Variants in ZNF575 observed in about 807,000 individuals in gnomAD.
The protein encoded by ZNF575 is zinc finger protein 575.
Under a neutral mutation model 17.5 loss-of-function variants are expected in ZNF575, and 17 were observed. The ratio of observed to expected loss-of-function variants is 0.97; its 90% CI spans 0.66 to 1.45. The LOEUF (loss-of-function observed/expected upper bound fraction) is 1.45. Among genes scored for constraint, ZNF575 ranks in the 40% most tolerant of loss-of-function variants. The probability of loss-of-function intolerance (pLI) is 0.00; values close to 1 mark genes in which losing one functional copy is unlikely to be tolerated. For synonymous variants in ZNF575, 146 were observed against 158.3 expected, an observed-to-expected ratio of 0.92 and a Z score of 0.58; for missense variants, 352 against 359.2, an observed-to-expected ratio of 0.98 and a Z score of 0.16.
chr19:43,535,884 C>G lies in ZNF575; in HGVS notation c.*197C>G, dbSNP rs1972414570. 1 of 633,844 alleles carries G rather than the reference C, an allele frequency of 1.6e-6. No individual in the cohort carries two copies. Among genetic ancestry groups the G allele is most frequent in the Admixed American group, 3.0e-5 (1 of 33,522 alleles). 39.3% of individuals were successfully genotyped at this position (633,844 alleles called of 1,614,324 possible). A position where few individuals can be genotyped will look rare whatever the true frequency, so the allele number is the denominator to read the frequency against. ...CCCCTGCTTTGGGGAGATCTCAAACCATGGACGTGGAGCTGTGGTTTGACA... is the reference window on the plus strand; with the variant it reads ...CCCCTGCTTTGGGGAGATCTCAAACGATGGACGTGGAGCTGTGGTTTGACA... On this transcript the variant is annotated 3_prime_UTR_variant, in exon 4 of 4. Transcript: ENST00000314228.
intron 2 of ZNF575, 190 bp downstream of exon 2, chr19:43,534,092 A>C (rs1010149134): frequency 4.9e-6 from 2 of 408,578 alleles, no homozygotes; most frequent in Non-Finnish European, 8.8e-6. Context: ...GGTCCCGCCC[A>C]CTCTGCGCAT....
At position 43,535,605 on chromosome 19, in the gene ZNF575, G is replaced by C; in HGVS notation, c.656G>C (p.Gly219Ala). 1 of 1,613,744 alleles carries C rather than the reference G, an allele frequency of 6.2e-7. No homozygotes were observed. Among genetic ancestry groups the C allele is most frequent in the Non-Finnish European group, 8.5e-7 (1 of 1,179,982 alleles). Residue 219 changes from glycine (G) to alanine (A), a missense_variant, in exon 4 of 4, where the codon GGC becomes GCC. By Grantham distance (60) the Gly-to-Ala change is moderately conservative. Coordinates refer to ENST00000314228, the MANE Select transcript of ZNF575 (RefSeq NM_174945.3). ...GCCTGGCACCGATGCTCCAGCTGCG[G>C]CCAGGCCTTTGGCCAGAGACGCTTA... is the stretch of plus-strand genomic sequence containing the variant. ...ATAWHRCSSC[G>A]QAFGQRRLLL...
In ZNF575 at chr19:43,534,370, C is replaced by T. The variant is rs1343473661; in HGVS notation, c.-53C>T. 2 of 1,514,846 alleles carry T rather than the reference C, an allele frequency of 1.3e-6. No homozygotes were observed. Among genetic ancestry groups the T allele is most frequent in the Admixed American group, 2.0e-5 (1 of 49,776 alleles). 93.8% of individuals were successfully genotyped at this position (1,514,846 alleles called of 1,614,324 possible). On this transcript the variant is annotated 5_prime_UTR_variant, in exon 3 of 4. Transcript: ENST00000314228. ...ACCCTATCCCCATCAGCCTGGTCAT[C>T]ACCGGCGTCACCCCCGCCCCGCGCC...
chr19:43,533,625 G>A (rs1246071089), intron 1 of ZNF575, 104 bp downstream of exon 1: 3 of 152,458 alleles, frequency 2.0e-5, no homozygotes, highest in African/African-American at 4.8e-5. Context: ...TTCTGGAGAT[G>A]CTGGAGGGAC....
At chr19:43,531,044 C>T (rs780741815), upstream of ZNF575, among the ~76,000 whole-genome samples, 1 of 150,938 alleles carries the variant, frequency 6.6e-6, no homozygotes, top group African/African-American at 2.4e-5. Flanking sequence ...CATGGGAGGC[C>T]GAAGTGGGCG....
At chr19:43,534,894 G>A in intron 3 of ZNF575, 135 bp from the exon 4 acceptor site, 1 of 820,222 alleles carries the variant, frequency 1.2e-6, no homozygotes, top group Non-Finnish European at 1.7e-6. Context: ...TGCAATTTGG[G>A]GAGTCTCAAT....
In ZNF575 at chr19:43,534,467, T is replaced by C. The variant is rs561132711; in HGVS notation, c.45T>C (p.Pro15=). The C allele has an allele frequency of 3.1e-5, 47 of 1,507,030 alleles. No homozygotes were observed. In the East Asian group the frequency reaches 8.4e-4, roughly 27 times the overall value. The allele number at this position is 1,507,030 out of a possible 1,614,324, so 93.4% of individuals were successfully genotyped here. ...AGTCCGCGGCCGGGGCTACCGATCC[T>C]AGTCCCACTGGCAAGGAACCAGTGA... ...GAESAAGATD[P]SPTGKEPVTK... is the part of the protein sequence containing the mutation. The change falls in exon 3 of 4, where the codon CCT becomes CCC. Residue 15 remains proline (P), a synonymous_variant. Transcript: ENST00000314228.
upstream of ZNF575, chr19:43,532,823 T>C (rs1229307389): frequency 2.6e-5 from 4 of 152,132 alleles, no homozygotes; most frequent in African/African-American, 9.7e-5. Flanking sequence ...AGGGGGAAGG[T>C]AGATGGGTGC....
At chr19:43,531,740 TG>T (rs1221158898), upstream of ZNF575, 17 of 564,332 alleles carry the variant, frequency 3.0e-5, no homozygotes, top group South Asian at 4.3e-5. Context: ...GAAGAGTGGA[TG>T]GGGGGTAAAT....
chr19:43,531,705 G>A (rs535931665), upstream of ZNF575: 12 of 485,302 alleles, frequency 2.5e-5, no homozygotes, highest in South Asian at 3.9e-4. Context: ...TATGATGTTT[G>A]ACATTTAGCT....
Position 43,535,119 on chromosome 19 carries a change from CCCCGCCCCAGCG to C in ZNF575, c.176_187del (p.Pro59_Pro62del). ...TCGCCTCCCCGGCCTCGCCGGCGGC[CCCCGCCCCAGCG>C]CCCGCACCGCTGCCCCGACTGTGAC... is the stretch of plus-strand genomic sequence containing the variant. On this transcript the variant is annotated inframe_deletion, in exon 4 of 4. Coordinates refer to ENST00000314228, the MANE Select transcript of ZNF575 (RefSeq NM_174945.3). 1.3e-6 allele frequency: 2 copies of C among 1,538,646 alleles called. No homozygotes were observed. Among genetic ancestry groups the C allele is most frequent in the South Asian group, 1.2e-5 (1 of 83,364 alleles).
In ZNF575 at chr19:43,535,851, T is replaced by A; in HGVS notation, c.*164T>A. 1 of 766,880 alleles carries A rather than the reference T, an allele frequency of 1.3e-6. No individual in the cohort carries two copies. Among genetic ancestry groups the A allele is most frequent in the Non-Finnish European group, 2.0e-6 (1 of 489,672 alleles). The allele number at this position is 766,880 out of a possible 1,614,324, so 47.5% of individuals were successfully genotyped here. ...GCTCGAGCTCAGAAGCCCGAGGAAC[T>A]CTTTGCTCCCCTGCTTTGGGGAGAT... On this transcript the variant is annotated 3_prime_UTR_variant, in exon 4 of 4. Transcript: ENST00000314228.
At position 43,535,077 on chromosome 19, in the gene ZNF575, C is replaced by T. The variant is rs759506363; in HGVS notation, c.128C>T (p.Pro43Leu). Residue 43 changes from proline (P) to leucine (L), a missense_variant, in exon 4 of 4, where the codon CCC becomes CTC. Physicochemically the swap from Pro to Leu is moderately conservative, Grantham distance 98 (BLOSUM62 -3). Coordinates refer to ENST00000314228, the MANE Select transcript of ZNF575 (RefSeq NM_174945.3). ...PQKPSQSAPG[P>L]TASAGSPPRP... ...AAGCCCAGCCAGTCAGCTCCAGGGC[C>T]CACCGCGTCCGCGGGCTCGCCTCCC... The T allele has an allele frequency of 6.7e-7, 1 of 1,492,010 alleles. No individual in the cohort carries two copies. Among genetic ancestry groups the T allele is most frequent in the Admixed American group, 2.4e-5 (1 of 40,992 alleles). 92.4% of individuals were successfully genotyped at this position (1,492,010 alleles called of 1,614,324 possible).
upstream of ZNF575, chr19:43,531,795 T>A: frequency 1.5e-6 from 1 of 676,096 alleles, no homozygotes; most frequent in Non-Finnish European, 2.7e-6. Flanking sequence ...TAAAAACTTT[T>A]TTTTTAAAGA....
intron 3 of ZNF575, among the ~76,000 whole-genome samples, chr19:43,534,796 A>T (rs556072688): frequency 1.9e-3 from 290 of 152,190 alleles, no homozygotes; most frequent in African/African-American, 6.7e-3. Context: ...GGTAGCTTTG[A>T]GGAAGCCTTA....
chr19:43,531,124 CAA>C (rs1200175640), upstream of ZNF575, among the ~76,000 whole-genome samples: 48 of 104,232 alleles, frequency 4.6e-4, no homozygotes, highest in African/African-American at 8.8e-4. Context: ...ACCAAAAATA[CAA>C]AAAAAAAAAA....
chr19:43,530,990 C>T (rs1402648705), upstream of ZNF575, among the ~76,000 whole-genome samples: 1 of 151,928 alleles, frequency 6.6e-6, no homozygotes, highest in Non-Finnish European at 1.5e-5. Flanking sequence ...ATAGCTGTGG[C>T]CCTAGAGGTT....
At chr19:43,531,941 A>ATTTTTTTTTTTT (rs1972349585), upstream of ZNF575, 8 of 173,088 alleles carry the variant, frequency 4.6e-5, no homozygotes, top group South Asian at 1.6e-4. Flanking sequence ...ATTAAGCCAG[A>ATTTTTTTTTTTT]CTTTTTTTTT....
In ZNF575 at chr19:43,535,116, G is replaced by A. The variant is rs750239924; in HGVS notation, c.167G>A (p.Arg56Gln). ...SAGSPPRPRRRPPPQRPHRCP... is the reference protein window; with the variant it reads ...SAGSPPRPRRQPPPQRPHRCP... ...GGCTCGCCTCCCCGGCCTCGCCGGC[G>A]GCCCCCGCCCCAGCGCCCGCACCGC... The change falls in exon 4 of 4, where the codon CGG (arginine) becomes CAG (glutamine). Residue 56 changes from arginine (R) to glutamine (Q), a missense_variant. By Grantham distance (43) the Arg-to-Gln change is conservative. Coordinates refer to ENST00000314228, the MANE Select transcript of ZNF575 (RefSeq NM_174945.3). 1.9e-4 allele frequency: 286 copies of A among 1,521,104 alleles called. No homozygotes were observed. Among genetic ancestry groups the A allele is most frequent in the Non-Finnish European group, 2.3e-4 (257 of 1,139,838 alleles). The allele number at this position is 1,521,104 out of a possible 1,614,324, so 94.2% of individuals were successfully genotyped here.
Sources: gnomAD v4.1 joint callset for allele counts (sites outside exome capture counted in the v4.1 genomes callset) on GRCh38, gnomAD v4.1.1 for gene constraint, MANE v1.5 for transcripts, NCBI Gene and HGNC (gene_info 2026-07-23, HGNC 2026-07-21) for gene names.